Variants in ABI1 observed in about 807,000 individuals in gnomAD.
The protein encoded by ABI1 is abl interactor 1.
Under a neutral mutation model 54.6 loss-of-function variants are expected in ABI1, and 14 were observed. That is an observed-to-expected ratio of 0.26 (90% confidence interval 0.17 to 0.40). ABI1 has a LOEUF of 0.40. Among genes scored for constraint, ABI1 ranks in the 10% least tolerant of loss-of-function variants. ABI1 has a pLI of 1.00. For synonymous variants in ABI1, 194 were observed against 209.3 expected, an observed-to-expected ratio of 0.93 and a Z score of 0.63; for missense variants, 443 against 598.3, an observed-to-expected ratio of 0.74 and a Z score of 2.71.
chr10:26,802,614 G>A (rs1472949378), intron 2 of ABI1, among the ~76,000 whole-genome samples: 1 of 152,180 alleles, frequency 6.6e-6, no homozygotes, highest in Non-Finnish European at 1.5e-5. Flanking sequence ...GAGTGATGAG[G>A]GGAAAGGGGA....
chr10:26,856,378 G>C (rs1288738976), intron 1 of ABI1, among the ~76,000 whole-genome samples: 1 of 125,332 alleles, frequency 8.0e-6, no homozygotes, highest in Non-Finnish European at 1.6e-5. Context: ...ACAAGCTACT[G>C]AACTTTAGGT....
intron 1 of ABI1, chr10:26,839,655 A>G (rs2049339546): frequency 3.2e-6 from 2 of 625,406 alleles, no homozygotes; most frequent in Admixed American, 2.8e-5. Context: ...TCTGTTTAAA[A>G]AAAAAAAAAA....
At chr10:26,807,825 C>T (rs900028284) in intron 2 of ABI1, among the ~76,000 whole-genome samples, 4 of 152,168 alleles carry the variant, frequency 2.6e-5, no homozygotes, top group African/African-American at 9.7e-5. Flanking sequence ...GGCATGGTGG[C>T]TCACGTTTGT....
Position 26,777,104 on chromosome 10 carries a change from G to C in ABI1, c.423C>G (p.Ile141Met). ...CCACATCATCCAGAACTGTGTAATC[G>C]ATAGGTTTCCGAATATACCTTACAG... ...ERPVRYIRKP[I>M]DYTVLDDVGH... Residue 141 changes from isoleucine (I) to methionine (M), a missense_variant, in exon 3 of 11, where the codon ATC (isoleucine) becomes ATG (methionine). Coordinates refer to ENST00000376140, the MANE Select transcript of ABI1 (RefSeq NM_001012750.3). The C allele has an allele frequency of 1.2e-6, 2 of 1,612,914 alleles. No homozygotes were observed. Among genetic ancestry groups the C allele is most frequent in the Non-Finnish European group, 1.7e-6 (2 of 1,179,690 alleles).
chr10:26,798,983 G>GA (rs1381391133), intron 2 of ABI1, among the ~76,000 whole-genome samples: 1 of 151,638 alleles, frequency 6.6e-6, no homozygotes, highest in African/African-American at 2.4e-5. Flanking sequence ...AAAGAAAGGA[G>GA]AAAAAAGAGA....
intron 2 of ABI1, among the ~76,000 whole-genome samples, chr10:26,819,857 T>A (rs1256265100): frequency 2.6e-5 from 4 of 152,228 alleles, no homozygotes; most frequent in Non-Finnish European, 5.9e-5. Flanking sequence ...AAAAAGAAAA[T>A]TCTGTTATTT....
chr10:26,811,829 A>C (rs2047257666), intron 2 of ABI1, among the ~76,000 whole-genome samples: 1 of 145,550 alleles, frequency 6.9e-6, no homozygotes, highest in South Asian at 2.3e-4. Flanking sequence ...ATAAATTTGT[A>C]TAAATTTATG....
chr10:26,760,121 T>C (rs1206091519), intron 7 of ABI1, among the ~76,000 whole-genome samples: 2 of 152,002 alleles, frequency 1.3e-5, no homozygotes, highest in East Asian at 1.9e-4. Context: ...TATATTTTCA[T>C]CAGTTAATAT....
chr10:26,777,362 G>T (rs2132901454), intron 2 of ABI1, 121 bp from the exon 3 acceptor site: 3 of 660,130 alleles, frequency 4.5e-6, no homozygotes, highest in Non-Finnish European at 4.8e-6. Context: ...CTATTTTCCA[G>T]TGAATACTAT....
intron 2 of ABI1, among the ~76,000 whole-genome samples, chr10:26,780,810 G>A (rs993016490): frequency 9.9e-5 from 15 of 152,150 alleles, no homozygotes; most frequent in Admixed American, 8.5e-4. Flanking sequence ...TACCCATCCT[G>A]TGGAAGAATA....
chr10:26,825,942 G>A (rs887954716), intron 1 of ABI1, among the ~76,000 whole-genome samples: 2 of 152,122 alleles, frequency 1.3e-5, no homozygotes, highest in African/African-American at 4.8e-5. Context: ...CATATCTGCA[G>A]TTACTTCCTC....
chr10:26,807,916 AC>A (rs999477964), intron 2 of ABI1, among the ~76,000 whole-genome samples: 67 of 151,354 alleles, frequency 4.4e-4, no homozygotes, highest in African/African-American at 1.5e-3. Context: ...AAATGGTGAA[AC>A]CCCGCCTCTA....
chr10:26,765,979 C>T (rs1038156867), intron 6 of ABI1, among the ~76,000 whole-genome samples: 2 of 151,984 alleles, frequency 1.3e-5, no homozygotes, highest in Non-Finnish European at 2.9e-5. Context: ...ATGAACTACA[C>T]CATCTGAAGT....
rs185263723 is a variant in ABI1 at position 26,805,031 on chromosome 10, G to A, written c.285+18107C>T. ...GAGCTGATTAGTGAAGACCTCAGAC[G>A]GTGTTCCTATTAGGCAGAACAGAAA... On this transcript the variant is annotated intron_variant, in intron 2 of 10. Transcript: ENST00000376140. Among the ~76,000 whole-genome samples, 141 of 152,268 alleles carry A rather than the reference G, an allele frequency of 9.3e-4. 1 individual carries two copies. The highest frequency in any genetic ancestry group is 5.6e-3 in the South Asian group (27 of 4,826).
intron 1 of ABI1, among the ~76,000 whole-genome samples, chr10:26,836,205 C>A (rs1422088723): frequency 1.3e-5 from 2 of 151,980 alleles, no homozygotes; most frequent in Non-Finnish European, 2.9e-5. Flanking sequence ...CTCCACCTCC[C>A]AGGTTCAAGC....
At position 26,755,728 on chromosome 10, in the gene ABI1, T is replaced by C; in HGVS notation, c.1011A>G (p.Pro337=). 1 of 1,609,938 alleles carries C rather than the reference T, an allele frequency of 6.2e-7. No individual in the cohort carries two copies. The highest frequency in any genetic ancestry group is 8.5e-7 in the Non-Finnish European group (1 of 1,177,982). ...TCAACTGAGGCATAGGGGGAGGGGG[T>C]GGAGCAATAGAAACTGGTAGCAACA... ...LYSQNSISIA[P]PPPPMPQLTP... The change falls in exon 9 of 11, where the codon CCA becomes CCG. Residue 337 remains proline (P), a synonymous_variant. Coordinates refer to ENST00000376140, the MANE Select transcript of ABI1 (RefSeq NM_001012750.3).
At chr10:26,765,067 A>G in intron 7 of ABI1, 151 bp downstream of exon 7, 1 of 605,916 alleles carries the variant, frequency 1.7e-6, no homozygotes, top group South Asian at 2.3e-5. Context: ...GCAATCTAAA[A>G]ATATTGTTAA....
At chr10:26,818,896 A>G (rs924930946) in intron 2 of ABI1, among the ~76,000 whole-genome samples, 2 of 152,052 alleles carry the variant, frequency 1.3e-5, no homozygotes, top group African/African-American at 4.8e-5. Context: ...CGGGAGGCTG[A>G]GACAGAGAAT....
At chr10:26,770,585 A>G (rs779923574) in intron 4 of ABI1, 1 of 675,646 alleles carries the variant, frequency 1.5e-6, no homozygotes, top group Non-Finnish European at 2.7e-6. Context: ...TGGATTTAAT[A>G]TCTTATTTTA....
Sources: allele counts gnomAD v4.1 joint callset (sites outside exome capture counted in the v4.1 genomes callset), GRCh38; gene constraint gnomAD v4.1.1; transcripts MANE v1.5; gene names NCBI Gene and HGNC (gene_info 2026-07-23, HGNC 2026-07-21).